The following LRRC4C variants were observed in gnomAD, a reference collection of about 807,000 sequenced individuals.
LRRC4C encodes leucine rich repeat containing 4C.
Under a neutral mutation model 33.6 loss-of-function variants are expected in LRRC4C, and 5 were observed. The observed-to-expected ratio is 0.15, with a 90% confidence interval of 0.08 to 0.31. LRRC4C has a LOEUF of 0.31. LRRC4C is among the 10% of genes least tolerant of loss of function. LRRC4C has a pLI of 1.00. For synonymous variants in LRRC4C, 329 were observed against 302.0 expected (o/e 1.09, Z -0.93); for missense variants, 560 against 796.7 (o/e 0.70, Z 3.58).
In LRRC4C at chr11:41,202,310, T is replaced by A. The variant is rs149096006; in HGVS notation, c.-496+257121A>T. Among the ~76,000 whole-genome samples the A allele has an allele frequency of 2.3e-4, 35 of 152,300 alleles. No individual in the cohort carries two copies. In the East Asian group the frequency reaches 6.2e-3, roughly 27 times the overall value. On this transcript the variant is annotated intron_variant, in intron 1 of 6. Transcript: ENST00000528697. Reference sequence around the variant, plus strand: ...GGGAAATGATTTGGATTTCTCATCATCTCTGCATTATGTACCCACATAGAA... The same window carrying A: ...GGGAAATGATTTGGATTTCTCATCAACTCTGCATTATGTACCCACATAGAA...
At chr11:41,234,618 A>G (rs1366396474) in intron 1 of LRRC4C, among the ~76,000 whole-genome samples, 2 of 152,104 alleles carry the variant, frequency 1.3e-5, no homozygotes, top group Admixed American at 1.3e-4. Flanking sequence ...AATCTCTGGT[A>G]GAAAGGTGAG....
intron 5 of LRRC4C, among the ~76,000 whole-genome samples, chr11:40,237,930 G>T (rs999480094): frequency 6.6e-6 from 1 of 152,122 alleles, no homozygotes; most frequent in Admixed American, 6.5e-5. Flanking sequence ...AACAGCCACC[G>T]CTGAAAAGAG....
chr11:41,182,514 G>A (rs572223404), intron 1 of LRRC4C, among the ~76,000 whole-genome samples: 1 of 152,018 alleles, frequency 6.6e-6, no homozygotes, highest in Non-Finnish European at 1.5e-5. Context: ...TATAAACAAT[G>A]TTTCTGAACC....
At chr11:41,438,508 G>C (rs575444733) in intron 1 of LRRC4C, among the ~76,000 whole-genome samples, 23 of 152,220 alleles carry the variant, frequency 1.5e-4, no homozygotes, top group Non-Finnish European at 2.6e-4. Context: ...AGAGTAAAAG[G>C]AAATTGGGAT....
chr11:40,852,819 T>A (rs1953578147), intron 2 of LRRC4C, among the ~76,000 whole-genome samples: 1 of 152,116 alleles, frequency 6.6e-6, no homozygotes, highest in African/African-American at 2.4e-5. Flanking sequence ...AAAATGGAAA[T>A]TTTCTAGCAC....
At chr11:40,976,697 A>G (rs1852109813) in intron 1 of LRRC4C, among the ~76,000 whole-genome samples, 1 of 151,652 alleles carries the variant, frequency 6.6e-6, no homozygotes, top group South Asian at 2.1e-4. Context: ...AAGGCAAAAC[A>G]ATAGAAGAGA....
intron 3 of LRRC4C, among the ~76,000 whole-genome samples, chr11:40,524,971 C>G (rs1477384600): frequency 6.6e-6 from 1 of 152,066 alleles, no homozygotes; most frequent in Non-Finnish European, 1.5e-5. Context: ...GAAGGCATCC[C>G]TCAGGATATA....
chr11:40,276,420 G>A (rs187574741), intron 4 of LRRC4C, among the ~76,000 whole-genome samples: 6 of 152,178 alleles, frequency 3.9e-5, no homozygotes, highest in African/African-American at 1.4e-4. Flanking sequence ...GGGATAAGAA[G>A]GCACAACTGA....
intron 1 of LRRC4C, among the ~76,000 whole-genome samples, chr11:41,194,036 C>CTT (rs1227472060): frequency 6.6e-6 from 1 of 151,982 alleles, no homozygotes; most frequent in Admixed American, 6.6e-5. Context: ...ACCAACCTCT[C>CTT]CTCTTCAGCC....
At chr11:41,005,709 C>G (rs995371463) in intron 1 of LRRC4C, among the ~76,000 whole-genome samples, 1 of 152,128 alleles carries the variant, frequency 6.6e-6, no homozygotes, top group Non-Finnish European at 1.5e-5. Flanking sequence ...TGCCTCCTGC[C>G]ATTATTGCAA....
intron 2 of LRRC4C, among the ~76,000 whole-genome samples, chr11:40,775,689 G>A (rs974601934): frequency 2.0e-5 from 3 of 152,108 alleles, no homozygotes; most frequent in Non-Finnish European, 2.9e-5. Flanking sequence ...AATTATTAGC[G>A]TTTTTAAGAT....
intron 3 of LRRC4C, among the ~76,000 whole-genome samples, chr11:40,543,006 CTTAAG>C (rs1322590586): frequency 3.3e-5 from 5 of 152,020 alleles, no homozygotes; most frequent in African/African-American, 1.2e-4. Flanking sequence ...TCAATAGCTT[CTTAAG>C]TTATGTGCTG....
At chr11:41,275,387 T>A (rs1024407107) in intron 1 of LRRC4C, among the ~76,000 whole-genome samples, 32 of 152,176 alleles carry the variant, frequency 2.1e-4, no homozygotes, top group African/African-American at 7.7e-4. Flanking sequence ...TGGAACTTTT[T>A]GCAACTCTAT....
At chr11:41,045,889 C>G (rs1430639403) in intron 1 of LRRC4C, among the ~76,000 whole-genome samples, 1 of 152,066 alleles carries the variant, frequency 6.6e-6, no homozygotes, top group Non-Finnish European at 1.5e-5. Flanking sequence ...CCCCAGTATC[C>G]TTATGTATTT....
At chr11:40,616,094 CT>C (rs1961792863) in intron 3 of LRRC4C, among the ~76,000 whole-genome samples, 1 of 151,724 alleles carries the variant, frequency 6.6e-6, no homozygotes, top group African/African-American at 2.4e-5. Context: ...CAAAAAGTGG[CT>C]GAAGGATATG....
chr11:40,587,001 A>C (rs545697550), intron 3 of LRRC4C, among the ~76,000 whole-genome samples: 75 of 151,928 alleles, frequency 4.9e-4, no homozygotes, highest in Non-Finnish European at 9.6e-4. Context: ...GTTTTTTCCA[A>C]TTCTGTGAAG....
chr11:40,454,177 T>C (rs1189167635), intron 3 of LRRC4C, among the ~76,000 whole-genome samples: 2 of 152,020 alleles, frequency 1.3e-5, no homozygotes, highest in Non-Finnish European at 2.9e-5. Flanking sequence ...TTAAAGTTTT[T>C]TTTTTTTTTT....
At chr11:40,490,874 G>C (rs1019649566) in intron 3 of LRRC4C, among the ~76,000 whole-genome samples, 2 of 152,242 alleles carry the variant, frequency 1.3e-5, no homozygotes, top group African/African-American at 2.4e-5. Context: ...CTCATAAAGA[G>C]TATCATTTTC....
At chr11:41,167,132 G>A (rs1944765300) in intron 1 of LRRC4C, among the ~76,000 whole-genome samples, 1 of 152,008 alleles carries the variant, frequency 6.6e-6, no homozygotes, top group Non-Finnish European at 1.5e-5. Context: ...AGATGATATA[G>A]ATTTATTTTC....
Sources: gnomAD v4.1 joint callset for allele counts (sites outside exome capture counted in the v4.1 genomes callset) on GRCh38, gnomAD v4.1.1 for gene constraint, MANE v1.5 for transcripts, NCBI Gene and HGNC (gene_info 2026-07-23, HGNC 2026-07-21) for gene names.